Variants in RIT1 observed in about 807,000 individuals in gnomAD.
RIT1 encodes Ras like without CAAX 1.
RIT1 carries 6 observed loss-of-function variants against 25.6 expected under a neutral mutation model. That is an observed-to-expected ratio of 0.23 (90% confidence interval 0.13 to 0.46). The LOEUF (loss-of-function observed/expected upper bound fraction) is 0.46. Ranked by LOEUF, RIT1 falls within the 20% of genes least tolerant of loss-of-function variation. The pLI, the probability that RIT1 is intolerant of heterozygous loss-of-function variation, is 0.99. For missense variants in RIT1, 219 were observed against 284.4 expected, an observed-to-expected ratio of 0.77 and a Z score of 1.65; for synonymous variants, 81 against 94.1, an observed-to-expected ratio of 0.86 and a Z score of 0.80.
In RIT1 at chr1:155,898,521, ATATATAT is replaced by A. The variant is rs1673239453; in HGVS notation, c.*1860_*1866del. ...AAAAAAAAAAAAAAAAAAAAAAAAT[ATATATAT>A]ATATATATATATATATCTCTTAATG... On this transcript the variant is annotated 3_prime_UTR_variant, in exon 6 of 6. Coordinates refer to ENST00000368323, the MANE Select transcript of RIT1 (RefSeq NM_006912.6). 9.2e-5 allele frequency: 8 copies of A among 87,282 alleles called. No individual in the cohort carries two copies. Among genetic ancestry groups the A allele is most frequent in the East Asian group, 7.8e-4 (1 of 1,290 alleles). The allele number at this position is 87,282 out of a possible 1,614,324, so 5.4% of individuals were successfully genotyped here. A position where few individuals can be genotyped will look rare whatever the true frequency, so the allele number is the denominator to read the frequency against.
intron 3 of RIT1, among the ~76,000 whole-genome samples, chr1:155,909,870 G>A (rs548729062): frequency 2.1e-5 from 3 of 141,162 alleles, no homozygotes; most frequent in South Asian, 2.2e-4. Context: ...TACAGTGACC[G>A]GAGATCGCAC....
intron 3 of RIT1, among the ~76,000 whole-genome samples, chr1:155,907,240 C>CTT (rs773275927): frequency 1.6e-4 from 22 of 139,064 alleles, no homozygotes; most frequent in African/African-American, 2.4e-4. Flanking sequence ...CATTCATATG[C>CTT]TTTTTTTTTT....
rs1432402337 is a variant in RIT1 at position 155,898,515 on chromosome 1, AAAAATATATATAT to A, written c.*1860_*1872del. 9 of 105,618 alleles carry A rather than the reference AAAAATATATATAT, an allele frequency of 8.5e-5. No homozygotes were observed. The highest frequency in any genetic ancestry group is 3.4e-4 in the African/African-American group (9 of 26,760). The allele number at this position is 105,618 out of a possible 1,614,324, so 6.5% of individuals were successfully genotyped here. A position where few individuals can be genotyped will look rare whatever the true frequency, so the allele number is the denominator to read the frequency against. ...TTTAAAAAAAAAAAAAAAAAAAAAA[AAAAATATATATAT>A]ATATATATATATATATCTCTTAATG... On this transcript the variant is annotated 3_prime_UTR_variant, in exon 6 of 6. Transcript: ENST00000368323.
intron 3 of RIT1, among the ~76,000 whole-genome samples, chr1:155,906,299 T>C (rs1673438207): frequency 6.6e-6 from 1 of 152,212 alleles, no homozygotes; most frequent in South Asian, 2.1e-4. Flanking sequence ...TCTCAATGTA[T>C]TTCCTTTTAA....
rs1455212682 is a variant in RIT1, at chr1:155,899,386, C to T, written c.*1002G>A. On this transcript the variant is annotated 3_prime_UTR_variant, in exon 6 of 6. Transcript: ENST00000368323. ...ATTGTCCACGTCAAGGAGGCACACA[C>T]ACAATTTTACCCACACCCCTGATGT... 8.8e-6 allele frequency: 2 copies of T among 226,826 alleles called. No homozygotes were observed. The highest frequency in any genetic ancestry group is 1.3e-3 in the Middle Eastern group (1 of 752). The allele number at this position is 226,826 out of a possible 1,614,324, so 14.1% of individuals were successfully genotyped here.
chr1:155,910,993 A>G, intron 1 of RIT1, 189 bp from the exon 2 acceptor site: 1 of 1,318,806 alleles, frequency 7.6e-7, no homozygotes, highest in Non-Finnish European at 1.1e-6. Context: ...CCTCCTAGAC[A>G]GTTCAGTCAC....
chr1:155,909,171 T>A (rs1673523609), intron 3 of RIT1, among the ~76,000 whole-genome samples: 1 of 151,638 alleles, frequency 6.6e-6, no homozygotes, highest in Non-Finnish European at 1.5e-5. Flanking sequence ...GTCAGGAGAT[T>A]GAGACCATCC....
chr1:155,908,954 T>G (rs1334194890), intron 3 of RIT1, among the ~76,000 whole-genome samples: 3 of 152,118 alleles, frequency 2.0e-5, no homozygotes, highest in Non-Finnish European at 4.4e-5. Context: ...ATGTGCTCTA[T>G]GAAATGACCA....
Position 155,911,330 on chromosome 1 carries a change from C to G in RIT1, c.-131G>C, listed in dbSNP as rs940327397. The G allele has an allele frequency of 1.1e-5, 2 of 187,084 alleles. No homozygotes were observed. The highest frequency in any genetic ancestry group is 1.7e-4 in the South Asian group (2 of 11,588). 11.6% of individuals were successfully genotyped at this position (187,084 alleles called of 1,614,324 possible). ...GGGTCACGCACTTCGTCTTCCTTCACTCGCGGAGGCTCCGGCACTGACCTG... is the reference window on the plus strand; with the variant it reads ...GGGTCACGCACTTCGTCTTCCTTCAGTCGCGGAGGCTCCGGCACTGACCTG... On this transcript the variant is annotated 5_prime_UTR_variant, in exon 1 of 6. Coordinates refer to ENST00000368323, the MANE Select transcript of RIT1 (RefSeq NM_006912.6).
chr1:155,901,095 G>A (rs944366502), intron 5 of RIT1, among the ~76,000 whole-genome samples: 8 of 152,232 alleles, frequency 5.3e-5, no homozygotes, highest in African/African-American at 1.4e-4. Context: ...GATTACAGGC[G>A]TCGGCCACTG....
At chr1:155,904,882 T>C (rs902968944) in intron 3 of RIT1, 78 bp from the exon 4 acceptor site, 6 of 897,268 alleles carry the variant, frequency 6.7e-6, no homozygotes, top group African/African-American at 5.0e-5. Flanking sequence ...TCTTACAGAG[T>C]AGTACATTGT....
At chr1:155,904,874 T>G in intron 3 of RIT1, 70 bp from the exon 4 acceptor site, 1 of 1,017,050 alleles carries the variant, frequency 9.8e-7, no homozygotes, top group Non-Finnish European at 1.6e-6. Context: ...AAAACTCATC[T>G]TACAGAGTAG....
intron 3 of RIT1, chr1:155,910,048 A>G (rs2102590533): frequency 5.6e-6 from 1 of 178,734 alleles, no homozygotes; most frequent in East Asian, 1.7e-4. Flanking sequence ...CTGGGTTGTA[A>G]GAGTTCAGCA....
At chr1:155,911,063 T>G (rs544789160) in intron 1 of RIT1, 180 bp downstream of exon 1, 36 of 818,612 alleles carry the variant, frequency 4.4e-5, no homozygotes, top group Non-Finnish European at 5.9e-5. Context: ...CAAATAAATT[T>G]ACGTCTCGGC....
chr1:155,898,446 G>A lies in RIT1; in HGVS notation c.*1942C>T, dbSNP rs541548421. On this transcript the variant is annotated 3_prime_UTR_variant, in exon 6 of 6. Coordinates refer to ENST00000368323, the MANE Select transcript of RIT1 (RefSeq NM_006912.6). ...TATTGGGAGGATTGCTTGAGCCTAG[G>A]AGTTCGAGATCAGCCTGGGCAACAT... 1 of 133,708 alleles carries A rather than the reference G, an allele frequency of 7.5e-6. No homozygotes were observed. The highest frequency in any genetic ancestry group is 1.5e-5 in the Non-Finnish European group (1 of 65,306). 8.3% of individuals were successfully genotyped at this position (133,708 alleles called of 1,614,324 possible).
chr1:155,907,918 G>A (rs1000165319), intron 3 of RIT1, among the ~76,000 whole-genome samples: 27 of 151,128 alleles, frequency 1.8e-4, no homozygotes, highest in African/African-American at 4.4e-4. Flanking sequence ...GTGAAACCCC[G>A]TCTCTACTAA....
chr1:155,910,505 G>A lies in RIT1; in HGVS notation c.108C>T (p.Ala36=), dbSNP rs962881455. ...MLGAGGVGKS[A]MTMQFISHRF... ...GGTGGCTGATGAACTGCATGGTCATGGCTTCAAAAGAAGAAATAAAAGTCA... is the reference window on the plus strand; with the variant it reads ...GGTGGCTGATGAACTGCATGGTCATAGCTTCAAAAGAAGAAATAAAAGTCA... Residue 36 remains alanine (A), a splice_region_variant and synonymous_variant, in exon 3 of 6, where the codon GCC becomes GCT. Coordinates refer to ENST00000368323, the MANE Select transcript of RIT1 (RefSeq NM_006912.6). 6.8e-6 allele frequency: 11 copies of A among 1,613,954 alleles called. No homozygotes were observed. Among genetic ancestry groups the A allele is most frequent in the Admixed American group, 1.7e-5 (1 of 59,992 alleles).
chr1:155,901,803 G>GC (rs1052028791), intron 5 of RIT1, among the ~76,000 whole-genome samples: 1 of 151,562 alleles, frequency 6.6e-6, no homozygotes, highest in African/African-American at 2.4e-5. Context: ...CAGTGACAGA[G>GC]CAAGACCCTG....
At chr1:155,901,499 A>G (rs1412953099) in intron 5 of RIT1, among the ~76,000 whole-genome samples, 1 of 151,954 alleles carries the variant, frequency 6.6e-6, no homozygotes, top group Non-Finnish European at 1.5e-5. Context: ...CTAGCTGGGC[A>G]TGGTGTTGGG....
Sources: allele counts gnomAD v4.1 joint callset (sites outside exome capture counted in the v4.1 genomes callset), GRCh38; gene constraint gnomAD v4.1.1; transcripts MANE v1.5; gene names NCBI Gene and HGNC (gene_info 2026-07-23, HGNC 2026-07-21).